LRRTM4: variants seen among roughly 807,000 people sequenced by gnomAD.
The protein encoded by LRRTM4 is leucine-rich repeat transmembrane neuronal protein 4.
LRRTM4 carries 25 observed loss-of-function variants against 47.6 expected under a neutral mutation model. The observed-to-expected ratio is 0.53, with a 90% CI of 0.38 to 0.73. The LOEUF (loss-of-function observed/expected upper bound fraction) is 0.73, where lower values mean the gene tolerates loss of function less well. LRRTM4 is among the 30% of genes least tolerant of loss of function. The pLI, the probability that LRRTM4 is intolerant of heterozygous loss-of-function variation, is 0.00. For missense variants in LRRTM4, 638 were observed against 713.4 expected (o/e 0.89, Z 1.20); for synonymous variants, 311 against 269.5 (o/e 1.15, Z -1.51).
At chr2:77,001,420 A>T (rs1429062727) in intron 3 of LRRTM4, among the ~76,000 whole-genome samples, 1 of 152,138 alleles carries the variant, frequency 6.6e-6, no homozygotes, top group Non-Finnish European at 1.5e-5. Context: ...CAACAAGCCA[A>T]CCATATCAGA....
chr2:77,344,509 A>G (rs974890450), intron 3 of LRRTM4, among the ~76,000 whole-genome samples: 5 of 151,930 alleles, frequency 3.3e-5, no homozygotes, highest in African/African-American at 1.2e-4. Flanking sequence ...CAATAACAAC[A>G]AAAAAGATCA....
intron 3 of LRRTM4, among the ~76,000 whole-genome samples, chr2:76,914,088 C>A (rs1216913289): frequency 1.3e-5 from 2 of 151,664 alleles, no homozygotes; most frequent in Non-Finnish European, 2.9e-5. Flanking sequence ...ATATAACTAT[C>A]TTTTACTGGG....
At chr2:76,913,673 G>C (rs2103787311) in intron 3 of LRRTM4, among the ~76,000 whole-genome samples, 1 of 151,534 alleles carries the variant, frequency 6.6e-6, no homozygotes, top group African/African-American at 2.4e-5. Context: ...CCGAGTAGCT[G>C]GGACTGCAGG....
chr2:77,019,260 A>C (rs2104097391), intron 3 of LRRTM4, among the ~76,000 whole-genome samples: 1 of 149,302 alleles, frequency 6.7e-6, no homozygotes, highest in South Asian at 2.1e-4. Context: ...CTACAAAAAA[A>C]AAAAAAAAAA....
In LRRTM4 at chr2:77,300,487, C is replaced by T. The variant is rs549827296; in HGVS notation, c.1551+217831G>A. ...AATTTAGAGCTAATTGCTTTGTATG[C>T]GGCTCAATTCTTTATTTGTAATATA... On this transcript the variant is annotated intron_variant, in intron 3 of 3. Coordinates refer to ENST00000409884, the MANE Select transcript of LRRTM4 (RefSeq NM_001134745.3). Among the ~76,000 whole-genome samples, 8 of 152,148 alleles carry T rather than the reference C, an allele frequency of 5.3e-5. No homozygotes were observed. In the South Asian group the frequency reaches 1.5e-3, roughly 28 times the overall value.
chr2:77,357,653 C>T (rs1001830168), intron 3 of LRRTM4, among the ~76,000 whole-genome samples: 2 of 152,150 alleles, frequency 1.3e-5, no homozygotes, highest in Admixed American at 6.5e-5. Flanking sequence ...GGTGTCATCA[C>T]AGCACACTTG....
intron 3 of LRRTM4, among the ~76,000 whole-genome samples, chr2:76,994,822 T>A (rs776096279): frequency 1.3e-5 from 2 of 151,982 alleles, no homozygotes; most frequent in Admixed American, 6.6e-5. Context: ...ATGTGTGAAA[T>A]TGATTCACCC....
intron 3 of LRRTM4, among the ~76,000 whole-genome samples, chr2:77,027,473 C>T (rs1354632430): frequency 6.6e-6 from 1 of 152,060 alleles, no homozygotes; most frequent in Admixed American, 6.6e-5. Context: ...ATCTCAATAG[C>T]CAGGTGGCAG....
At chr2:77,193,008 A>G (rs370250499) in intron 3 of LRRTM4, among the ~76,000 whole-genome samples, 1 of 152,204 alleles carries the variant, frequency 6.6e-6, no homozygotes. Context: ...GAAAAATCAC[A>G]TATCTAATGG....
intron 3 of LRRTM4, among the ~76,000 whole-genome samples, chr2:77,416,304 A>G (rs966608154): frequency 1.3e-5 from 2 of 152,218 alleles, no homozygotes; most frequent in East Asian, 3.9e-4. Flanking sequence ...TAAGGAGCCT[A>G]CAAATGAACA....
At chr2:76,930,026 G>A (rs1674718454) in intron 3 of LRRTM4, among the ~76,000 whole-genome samples, 1 of 151,646 alleles carries the variant, frequency 6.6e-6, no homozygotes, top group African/African-American at 2.4e-5. Flanking sequence ...AACTATCTCT[G>A]GTGGTTATTT....
chr2:76,928,885 T>C (rs1674674225), intron 3 of LRRTM4, among the ~76,000 whole-genome samples: 1 of 152,178 alleles, frequency 6.6e-6, no homozygotes, highest in Admixed American at 6.5e-5. Flanking sequence ...CATATTAATA[T>C]ATTTCCTGTG....
intron 3 of LRRTM4, among the ~76,000 whole-genome samples, chr2:77,328,903 A>G (rs1573261030): frequency 2.0e-5 from 3 of 152,306 alleles, no homozygotes; most frequent in African/African-American, 7.2e-5. Context: ...TCTGAGAGCT[A>G]TGTGAGGCAG....
At chr2:77,280,369 A>C (rs1207503253) in intron 3 of LRRTM4, among the ~76,000 whole-genome samples, 1 of 151,992 alleles carries the variant, frequency 6.6e-6, no homozygotes, top group Non-Finnish European at 1.5e-5. Flanking sequence ...AAGAGAATAA[A>C]TTTGTGTTGT....
At chr2:77,149,268 T>A in intron 3 of LRRTM4, among the ~76,000 whole-genome samples, 1 of 152,282 alleles carries the variant, frequency 6.6e-6, no homozygotes, top group Middle Eastern at 3.4e-3. Context: ...AATACAATAT[T>A]TTAGACATAT....
At position 77,413,114 on chromosome 2, in the gene LRRTM4, G is replaced by A. The variant is rs141311645; in HGVS notation, c.1551+105204C>T. ...CCCATGTGCAGTTGGTTAATGGCAA[G>A]AACATTGACTCAACTATTGGTGTTT... is the stretch of plus-strand genomic sequence containing the variant. On this transcript the variant is annotated intron_variant, in intron 3 of 3. Transcript: ENST00000409884. Among the ~76,000 whole-genome samples the A allele has an allele frequency of 9.2e-4, 140 of 152,264 alleles. 1 individual carries two copies. The East Asian group carries it at 0.022, about 24-fold the overall frequency.
intron 3 of LRRTM4, among the ~76,000 whole-genome samples, chr2:76,823,725 A>G (rs1190940905): frequency 1.3e-5 from 2 of 151,502 alleles, no homozygotes; most frequent in Admixed American, 6.6e-5. Context: ...GAGGGGATTC[A>G]CTGATTGTTT....
intron 3 of LRRTM4, among the ~76,000 whole-genome samples, chr2:77,197,548 A>G (rs1673863579): frequency 6.6e-6 from 1 of 152,170 alleles, no homozygotes; most frequent in South Asian, 2.1e-4. Context: ...AACTAACATA[A>G]TAAGTTATTA....
At chr2:76,976,957 A>C (rs1461958151) in intron 3 of LRRTM4, among the ~76,000 whole-genome samples, 1 of 151,732 alleles carries the variant, frequency 6.6e-6, no homozygotes, top group Admixed American at 6.6e-5. Context: ...CATCCCATAG[A>C]TATGTACATT....
Sources: allele counts gnomAD v4.1 joint callset (sites outside exome capture counted in the v4.1 genomes callset), GRCh38; gene constraint gnomAD v4.1.1; transcripts MANE v1.5; gene names NCBI Gene and HGNC (gene_info 2026-07-23, HGNC 2026-07-21).